The following XPNPEP3 variants were observed in gnomAD, a reference collection of about 807,000 sequenced individuals.
The protein encoded by XPNPEP3 is X-prolyl aminopeptidase 3, also known as xaa-Pro aminopeptidase 3.
In XPNPEP3, 41 loss-of-function variants were observed where a neutral mutation model predicts 60.0. The observed-to-expected ratio is 0.68, with a 90% CI of 0.53 to 0.89. XPNPEP3 has a LOEUF of 0.89. Among genes scored for constraint, XPNPEP3 ranks in the 40% least tolerant of loss-of-function variants. The pLI is 0.00. For missense variants in XPNPEP3, 598 were observed against 638.9 expected (o/e 0.94, Z 0.69); for synonymous variants, 212 against 223.2 (o/e 0.95, Z 0.45).
intron 7 of XPNPEP3, among the ~76,000 whole-genome samples, chr22:40,920,084 T>C (rs1023616139): frequency 5.9e-5 from 9 of 152,086 alleles, no homozygotes; most frequent in African/African-American, 1.7e-4. Flanking sequence ...AATGGACATG[T>C]GGGCCAGGCG....
intron 6 of XPNPEP3, among the ~76,000 whole-genome samples, chr22:40,910,965 G>A (rs745410231): frequency 1.7e-4 from 26 of 152,122 alleles, no homozygotes; most frequent in Admixed American, 4.6e-4. Flanking sequence ...CCGAGATCGC[G>A]CCACTGTACT....
intron 4 of XPNPEP3, among the ~76,000 whole-genome samples, chr22:40,896,971 G>T (rs1183647037): frequency 6.7e-6 from 1 of 150,200 alleles, no homozygotes; most frequent in South Asian, 2.1e-4. Context: ...TTTTCAGAAT[G>T]ACATTCCTCT....
At position 40,932,320 on chromosome 22, in the gene XPNPEP3, T is replaced by A. The variant is rs1414907400; in HGVS notation, c.*5885T>A. Reference sequence around the variant, plus strand: ...ATAAAGGAACCTGCTTAGAAGAGGTTTTTATGGTGTGATTGTGTTTTTTTT... The same window carrying A: ...ATAAAGGAACCTGCTTAGAAGAGGTATTTATGGTGTGATTGTGTTTTTTTT... On this transcript the variant is annotated 3_prime_UTR_variant, in exon 10 of 10. Transcript: ENST00000357137. The A allele has an allele frequency of 6.6e-6, 1 of 151,932 alleles. No individual in the cohort carries two copies. The highest frequency in any genetic ancestry group is 1.5e-5 in the Non-Finnish European group (1 of 68,002). 9.4% of individuals were successfully genotyped at this position (151,932 alleles called of 1,614,324 possible). A position where few individuals can be genotyped will look rare whatever the true frequency, so the allele number is the denominator to read the frequency against.
At chr22:40,857,314 T>C (rs1401049486) in intron 1 of XPNPEP3, 69 bp downstream of exon 1, 16 of 1,560,164 alleles carry the variant, frequency 1.0e-5, no homozygotes, top group Non-Finnish European at 1.4e-5. Flanking sequence ...TCTCAGGCGA[T>C]CCCTGGTTCG....
intron 1 of XPNPEP3, chr22:40,860,804 C>T: frequency 1.6e-6 from 1 of 637,016 alleles, no homozygotes. Flanking sequence ...GTGCACACCA[C>T]CACACTTGGC....
At chr22:40,867,234 G>GT (rs1226913445) in intron 1 of XPNPEP3, among the ~76,000 whole-genome samples, 4 of 152,086 alleles carry the variant, frequency 2.6e-5, no homozygotes, top group Admixed American at 6.6e-5. Flanking sequence ...TCTGGACAAG[G>GT]TTACACACTT....
At chr22:40,917,979 C>G (rs1395725783) in intron 7 of XPNPEP3, 1 of 149,746 alleles carries the variant, frequency 6.7e-6, no homozygotes, top group Non-Finnish European at 1.5e-5. Flanking sequence ...CTACTACACT[C>G]CAGCCTAGGC....
chr22:40,865,930 A>G (rs2145772235), intron 1 of XPNPEP3, among the ~76,000 whole-genome samples: 1 of 152,302 alleles, frequency 6.6e-6, no homozygotes, highest in Non-Finnish European at 1.5e-5. Context: ...CTCCCTGGGT[A>G]ATACCCATTC....
Position 40,924,417 on chromosome 22 carries a change from A to G in XPNPEP3, c.1292A>G (p.His431Arg), listed in dbSNP as rs369944755. The G allele has an allele frequency of 1.5e-5, 25 of 1,614,076 alleles. No individual in the cohort carries two copies. Among genetic ancestry groups the G allele is most frequent in the African/African-American group, 5.3e-5 (4 of 74,930 alleles). Reference sequence around the variant, plus strand: ...GGCCACTACCTCGGGATGGATGTCCATGACACTCCAGACATGCCCCGTTCC... The same window carrying G: ...GGCCACTACCTCGGGATGGATGTCCGTGACACTCCAGACATGCCCCGTTCC... Reference protein sequence around the residue: ...HVGHYLGMDVHDTPDMPRSLP... With the variant: ...HVGHYLGMDVRDTPDMPRSLP... Residue 431 changes from histidine (H) to arginine (R), a missense_variant, in exon 9 of 10, where the codon CAT (histidine) becomes CGT (arginine). Coordinates refer to ENST00000357137, the MANE Select transcript of XPNPEP3 (RefSeq NM_022098.4).
rs1402746187 is a variant in XPNPEP3 at position 40,927,882 on chromosome 22, AAAAAAAAAAAG to A, written c.*1462_*1472del. On this transcript the variant is annotated 3_prime_UTR_variant, in exon 10 of 10. Transcript: ENST00000357137. ...AGAGCGAGACTCCGTCTCAAAAAAA[AAAAAAAAAAAG>A]AAAAAAAAAAGAAAGATTTCTTTCG... The A allele has an allele frequency of 4.1e-5, 6 of 147,062 alleles. No individual in the cohort carries two copies. The highest frequency in any genetic ancestry group is 4.2e-4 in the South Asian group (2 of 4,798). 9.1% of individuals were successfully genotyped at this position (147,062 alleles called of 1,614,324 possible).
At chr22:40,914,145 A>G (rs77233073) in intron 6 of XPNPEP3, 94 bp from the exon 7 acceptor site, 21 of 288,814 alleles carry the variant, frequency 7.3e-5, no homozygotes, top group Admixed American at 5.5e-5. Flanking sequence ...TCCGTCTCAG[A>G]AAAAAAAAAA....
intron 7 of XPNPEP3, among the ~76,000 whole-genome samples, chr22:40,919,636 A>G (rs1188316682): frequency 6.6e-6 from 1 of 152,244 alleles, no homozygotes; most frequent in Non-Finnish European, 1.5e-5. Context: ...AAACACTGGA[A>G]TTACAGGCAT....
intron 3 of XPNPEP3, among the ~76,000 whole-genome samples, chr22:40,885,367 A>G (rs2058064686): frequency 6.6e-6 from 1 of 152,260 alleles, no homozygotes; most frequent in East Asian, 1.9e-4. Flanking sequence ...GAGCCTTTAT[A>G]TCGTATATCT....
intron 4 of XPNPEP3, among the ~76,000 whole-genome samples, chr22:40,901,404 T>C (rs568246312): frequency 4.0e-5 from 6 of 151,804 alleles, no homozygotes; most frequent in Middle Eastern, 6.9e-3. Flanking sequence ...CCGGCTAATT[T>C]TTGTATATTT....
At chr22:40,897,324 G>A (rs541697003) in intron 4 of XPNPEP3, among the ~76,000 whole-genome samples, 9 of 152,060 alleles carry the variant, frequency 5.9e-5, no homozygotes, top group African/African-American at 2.2e-4. Context: ...CACCGTGCCC[G>A]GCCTCCTTCA....
At chr22:40,868,428 CGTGTGTGTGTGTGT>C (rs35513572) in intron 1 of XPNPEP3, among the ~76,000 whole-genome samples, 1 of 144,758 alleles carries the variant, frequency 6.9e-6, no homozygotes, top group African/African-American at 2.5e-5. Flanking sequence ...TATATGTGTG[CGTGTGTGTGTGTGT>C]GTGTGTGTGT....
intron 4 of XPNPEP3, among the ~76,000 whole-genome samples, chr22:40,892,855 G>T (rs1156522406): frequency 6.6e-6 from 1 of 151,858 alleles, no homozygotes; most frequent in East Asian, 1.9e-4. Flanking sequence ...TTGTCACTGA[G>T]CCAAGTGTCC....
intron 7 of XPNPEP3, among the ~76,000 whole-genome samples, chr22:40,915,238 G>A (rs1034675953): frequency 6.6e-6 from 1 of 151,892 alleles, no homozygotes; most frequent in Non-Finnish European, 1.5e-5. Flanking sequence ...TTTTCGTAGA[G>A]ATGGGATTTC....
intron 6 of XPNPEP3, among the ~76,000 whole-genome samples, chr22:40,909,898 T>A (rs953837738): frequency 4.6e-5 from 7 of 152,020 alleles, no homozygotes; most frequent in African/African-American, 1.7e-4. Context: ...ACTCTACTTC[T>A]CTGAGGACTT....
Sources: gnomAD v4.1 joint callset for allele counts (sites outside exome capture counted in the v4.1 genomes callset) on GRCh38, gnomAD v4.1.1 for gene constraint, MANE v1.5 for transcripts, NCBI Gene and HGNC (gene_info 2026-07-23, HGNC 2026-07-21) for gene names.